Variants in AVEN observed in about 807,000 individuals in gnomAD.
AVEN encodes the protein apoptosis and caspase activation inhibitor.
Under a neutral mutation model 38.1 loss-of-function variants are expected in AVEN, and 41 were observed. The observed-to-expected ratio is 1.08, with a 90% CI of 0.84 to 1.40. The LOEUF is 1.40. Ranked by LOEUF, AVEN falls within the 40% of genes most tolerant of loss-of-function variation. AVEN has a pLI of 0.00. For missense variants in AVEN, 605 were observed against 438.8 expected (o/e 1.38, Z -3.38); for synonymous variants, 206 against 171.8 (o/e 1.20, Z -1.56).
intron 2 of AVEN, among the ~76,000 whole-genome samples, chr15:33,947,774 A>G (rs1223771573): frequency 6.6e-6 from 1 of 152,188 alleles, no homozygotes; most frequent in Non-Finnish European, 1.5e-5. Flanking sequence ...CTTCAGATAC[A>G]GAGGGTCAAC....
intron 11 of AVEN, chr15:33,859,522 C>G (rs1419923928): frequency 1.3e-6 from 2 of 1,598,532 alleles, no homozygotes; most frequent in Non-Finnish European, 1.7e-6. Context: ...GAGCATCTTG[C>G]TAAAAACAGA....
intron 2 of AVEN, among the ~76,000 whole-genome samples, chr15:33,937,080 G>A (rs647051): frequency 0.59 from 84,524 of 142,886 alleles, 26,934 homozygotes; most frequent in East Asian, 0.75. Flanking sequence ...GCAGTGAGCC[G>A]AGATCGCGCC....
Position 33,885,144 on chromosome 15 carries a change from A to C in AVEN, c.446-9149T>G, listed in dbSNP as rs191141643. On this transcript the variant is annotated intron_variant, in intron 2 of 5. Transcript: ENST00000306730. ...CAAGTTACTGAAAAGTCACAAATGA[A>C]CTTTATAGGTCGACAAAGGCTGAGA... Among the ~76,000 whole-genome samples the C allele has an allele frequency of 2.0e-3, 297 of 152,256 alleles. 2 individuals carry two copies. Among genetic ancestry groups the C allele is most frequent in the Middle Eastern group, 0.017 (5 of 294 alleles).
chr15:33,865,108 A>AC, downstream of AVEN: 6 of 1,573,042 alleles, frequency 3.8e-6, no homozygotes, highest in East Asian at 1.3e-4. Context: ...AAAAATAAGC[A>AC]CCCGTTGTTC....
At chr15:34,021,169 T>C (rs2632107) in intron 1 of AVEN, among the ~76,000 whole-genome samples, 95,280 of 152,076 alleles carry the variant, frequency 0.63, 34,871 homozygotes, top group Non-Finnish European at 0.82. Context: ...AATTTTTCTA[T>C]GAAAAAATTG....
intron 2 of AVEN, among the ~76,000 whole-genome samples, chr15:33,942,514 G>A (rs1186686889): frequency 4.0e-5 from 6 of 151,772 alleles, no homozygotes; most frequent in Admixed American, 3.3e-4. Flanking sequence ...GCAGTGGTGC[G>A]ATCTCTGCTC....
chr15:33,948,578 G>A (rs927858627), intron 2 of AVEN, among the ~76,000 whole-genome samples: 2 of 152,142 alleles, frequency 1.3e-5, no homozygotes, highest in Non-Finnish European at 2.9e-5. Flanking sequence ...AGACAAAGAA[G>A]TCATCACTGT....
intron 2 of AVEN, among the ~76,000 whole-genome samples, chr15:33,961,622 G>A (rs1267890456): frequency 6.6e-6 from 1 of 151,394 alleles, no homozygotes; most frequent in Non-Finnish European, 1.5e-5. Context: ...GACCATTCTG[G>A]CTAACACGGT....
chr15:33,930,024 T>A (rs1163833612), intron 2 of AVEN, among the ~76,000 whole-genome samples: 5 of 152,158 alleles, frequency 3.3e-5, no homozygotes, highest in African/African-American at 1.2e-4. Flanking sequence ...AAATCATTCA[T>A]CCAGTGGAGA....
At chr15:33,903,625 A>C (rs1439813818) in intron 2 of AVEN, among the ~76,000 whole-genome samples, 1 of 152,190 alleles carries the variant, frequency 6.6e-6, no homozygotes, top group Non-Finnish European at 1.5e-5. Context: ...TAGTAAGGAG[A>C]TGTGTTTAGG....
chr15:34,035,202 T>C (rs574550380), intron 1 of AVEN, among the ~76,000 whole-genome samples: 12 of 152,340 alleles, frequency 7.9e-5, no homozygotes, highest in African/African-American at 2.4e-4. Flanking sequence ...AGATTCTACT[T>C]TTTAGTACAA....
At chr15:33,914,112 T>C (rs930864965) in intron 2 of AVEN, among the ~76,000 whole-genome samples, 3 of 151,862 alleles carry the variant, frequency 2.0e-5, no homozygotes, top group Non-Finnish European at 4.4e-5. Context: ...ATTTGAGGAA[T>C]GGGAGGAGTG....
At chr15:34,047,032 C>G (rs955247460) in intron 5 of AVEN, among the ~76,000 whole-genome samples, 3 of 151,978 alleles carry the variant, frequency 2.0e-5, no homozygotes, top group Non-Finnish European at 4.4e-5. Flanking sequence ...CAGGCACAAA[C>G]AGAGACCTAG....
intron 2 of AVEN, among the ~76,000 whole-genome samples, chr15:33,892,564 T>G (rs910905178): frequency 6.6e-6 from 1 of 152,136 alleles, no homozygotes; most frequent in Non-Finnish European, 1.5e-5. Context: ...TCTGAGGGCT[T>G]TGTTCTGTTC....
At chr15:33,920,842 C>G (rs112089047) in intron 2 of AVEN, among the ~76,000 whole-genome samples, 2,036 of 152,158 alleles carry the variant, frequency 0.013, 48 homozygotes, top group African/African-American at 0.046. Context: ...CTCGCAATCT[C>G]GGCTGACTGC....
chr15:33,892,264 C>A (rs1892011669), intron 2 of AVEN, among the ~76,000 whole-genome samples: 1 of 152,190 alleles, frequency 6.6e-6, no homozygotes, highest in East Asian at 1.9e-4. Context: ...GCTTTTGTTG[C>A]CATTGCTTTT....
chr15:33,990,529 G>C (rs1446432699), intron 2 of AVEN, among the ~76,000 whole-genome samples: 1 of 152,180 alleles, frequency 6.6e-6, no homozygotes, highest in Non-Finnish European at 1.5e-5. Flanking sequence ...ATTCACTAAC[G>C]TTCTCTCATT....
At chr15:33,951,794 A>T (rs1275301812) in intron 2 of AVEN, among the ~76,000 whole-genome samples, 1 of 152,190 alleles carries the variant, frequency 6.6e-6, no homozygotes, top group East Asian at 1.9e-4. Flanking sequence ...TAAAATAATG[A>T]TAAGAAGAAA....
intron 2 of AVEN, among the ~76,000 whole-genome samples, chr15:33,953,734 G>A (rs1258002864): frequency 4.6e-5 from 7 of 152,156 alleles, no homozygotes; most frequent in Non-Finnish European, 7.4e-5. Context: ...CATAGGCAAG[G>A]ACTTCATGAC....
Sources: allele counts gnomAD v4.1 joint callset (sites outside exome capture counted in the v4.1 genomes callset), GRCh38; gene constraint gnomAD v4.1.1; transcripts MANE v1.5; gene names NCBI Gene and HGNC (gene_info 2026-07-23, HGNC 2026-07-21).